Variants in KCNH7 observed in about 807,000 individuals in gnomAD.
KCNH7 encodes voltage-gated inwardly rectifying potassium channel KCNH7.
A neutral mutation model predicts 120.8 loss-of-function variants in KCNH7; 49 were observed. The ratio of observed to expected loss-of-function variants is 0.41; its 90% CI spans 0.32 to 0.51. The LOEUF is 0.51. KCNH7 is among the 20% of genes least tolerant of loss of function. The pLI is 0.38. For synonymous variants in KCNH7, 547 were observed against 516.1 expected (o/e 1.06, Z -0.81); for missense variants, 1,097 against 1,446.6 (o/e 0.76, Z 3.92).
At chr2:162,407,848 A>G (rs1261578082) in intron 9 of KCNH7, among the ~76,000 whole-genome samples, 1 of 152,106 alleles carries the variant, frequency 6.6e-6, no homozygotes, top group East Asian at 1.9e-4. Context: ...AAAAGGAGGT[A>G]CAGTCTACCA....
intron 2 of KCNH7, among the ~76,000 whole-genome samples, chr2:162,545,705 A>G: frequency 6.6e-6 from 1 of 152,180 alleles, no homozygotes. Context: ...TTCACATCCC[A>G]GGACCAATTC....
chr2:162,637,016 T>G (rs1683984989), intron 2 of KCNH7, among the ~76,000 whole-genome samples: 1 of 152,140 alleles, frequency 6.6e-6, no homozygotes, highest in Non-Finnish European at 1.5e-5. Flanking sequence ...TTAAAGGAAT[T>G]CATTAGAGGC....
chr2:162,830,044 G>C (rs556588241), intron 2 of KCNH7, among the ~76,000 whole-genome samples: 4 of 152,150 alleles, frequency 2.6e-5, no homozygotes, highest in Non-Finnish European at 4.4e-5. Flanking sequence ...TAATAACAAG[G>C]AGCACTCTTC....
At chr2:162,492,338 A>C (rs1360336800) in intron 6 of KCNH7, among the ~76,000 whole-genome samples, 1 of 152,192 alleles carries the variant, frequency 6.6e-6, no homozygotes, top group Non-Finnish European at 1.5e-5. Context: ...GGTCAGTAAC[A>C]AACTTTGCTG....
intron 2 of KCNH7, among the ~76,000 whole-genome samples, chr2:162,593,543 A>G (rs1477792547): frequency 1.3e-5 from 2 of 152,010 alleles, no homozygotes; most frequent in Non-Finnish European, 2.9e-5. Context: ...CTGAAATGCC[A>G]CCTTCAATAT....
intron 2 of KCNH7, among the ~76,000 whole-genome samples, chr2:162,688,805 A>G (rs1446931550): frequency 7.0e-6 from 1 of 143,392 alleles, no homozygotes; most frequent in Non-Finnish European, 1.5e-5. Flanking sequence ...TTTAATTGTC[A>G]TTTAACAGGT....
chr2:162,827,182 T>C (rs1404829580), intron 2 of KCNH7, among the ~76,000 whole-genome samples: 1 of 152,070 alleles, frequency 6.6e-6, no homozygotes, highest in Non-Finnish European at 1.5e-5. Context: ...ACACAGTATA[T>C]TTATGCTTTC....
chr2:162,797,082 T>G (rs1244014000), intron 2 of KCNH7: 3 of 152,086 alleles, frequency 2.0e-5, no homozygotes, highest in African/African-American at 7.2e-5. Context: ...CTCACTTTGT[T>G]GCAAGGCATA....
chr2:162,431,217 A>G (rs537268347), intron 8 of KCNH7, among the ~76,000 whole-genome samples: 14 of 152,132 alleles, frequency 9.2e-5, no homozygotes, highest in African/African-American at 3.4e-4. Context: ...CTTGGCTTCA[A>G]TTTTTCTTTT....
At chr2:162,619,581 T>C (rs908943199) in intron 2 of KCNH7, among the ~76,000 whole-genome samples, 1 of 151,978 alleles carries the variant, frequency 6.6e-6, no homozygotes, top group African/African-American at 2.4e-5. Flanking sequence ...CAGCACAACC[T>C]GAAAACAAAA....
At chr2:162,690,592 G>C (rs750900135) in intron 2 of KCNH7, among the ~76,000 whole-genome samples, 3 of 152,106 alleles carry the variant, frequency 2.0e-5, no homozygotes, top group Admixed American at 1.3e-4. Context: ...AGAGTAAAGA[G>C]GGTAAGGAGT....
intron 6 of KCNH7, among the ~76,000 whole-genome samples, chr2:162,485,650 G>C (rs549628065): frequency 3.9e-5 from 6 of 152,164 alleles, no homozygotes; most frequent in African/African-American, 1.4e-4. Flanking sequence ...GAAAAAGAGA[G>C]GGAGAGAGAA....
At position 162,423,280 on chromosome 2, in the gene KCNH7, T is replaced by G. The variant is rs751159899; in HGVS notation, c.2154+56A>C. The G allele has an allele frequency of 1.4e-5, 23 of 1,611,516 alleles. No individual in the cohort carries two copies. The African/African-American group carries it at 3.1e-4, about 22-fold the overall frequency. On this transcript the variant is annotated intron_variant, in intron 9 of 15. Transcript: ENST00000332142. ...TGGTGATTCCGGCTTTTATTCCATT[T>G]TGGCTATCACTATAATGCCTGCGGC...
chr2:162,410,428 C>T (rs1277668767), intron 9 of KCNH7, among the ~76,000 whole-genome samples: 2 of 151,878 alleles, frequency 1.3e-5, no homozygotes, highest in East Asian at 3.9e-4. Flanking sequence ...AAAATTAGCT[C>T]AAGATGGATT....
intron 6 of KCNH7, among the ~76,000 whole-genome samples, chr2:162,456,218 T>C (rs1353332107): frequency 6.6e-6 from 1 of 152,148 alleles, no homozygotes; most frequent in East Asian, 1.9e-4. Flanking sequence ...CAGGAGCAGG[T>C]TGTTCAATTT....
intron 2 of KCNH7, among the ~76,000 whole-genome samples, chr2:162,831,617 A>T (rs903982483): frequency 2.0e-5 from 3 of 152,164 alleles, no homozygotes; most frequent in Non-Finnish European, 4.4e-5. Context: ...GGCAGGCCAG[A>T]TTGCCAGCAA....
At chr2:162,586,331 T>C (rs1478608628) in intron 2 of KCNH7, among the ~76,000 whole-genome samples, 1 of 152,032 alleles carries the variant, frequency 6.6e-6, no homozygotes, top group Non-Finnish European at 1.5e-5. Context: ...CTTTGGAACG[T>C]TGAGAGCACC....
intron 2 of KCNH7, among the ~76,000 whole-genome samples, chr2:162,557,838 A>C (rs960896708): frequency 7.2e-5 from 11 of 152,176 alleles, no homozygotes; most frequent in Admixed American, 5.9e-4. Context: ...TGATTAAAGA[A>C]CAGAGGTATG....
intron 2 of KCNH7, among the ~76,000 whole-genome samples, chr2:162,598,666 T>G (rs533146863): frequency 6.6e-6 from 1 of 152,236 alleles, no homozygotes; most frequent in African/African-American, 2.4e-5. Context: ...ATAAAAGCCA[T>G]TGTTACATTG....
Sources: allele counts gnomAD v4.1 joint callset (sites outside exome capture counted in the v4.1 genomes callset), GRCh38; gene constraint gnomAD v4.1.1; transcripts MANE v1.5; gene names NCBI Gene and HGNC (gene_info 2026-07-23, HGNC 2026-07-21).